The following MACROD2 variants were observed in gnomAD, a reference collection of about 807,000 sequenced individuals.
MACROD2 encodes the protein mono-ADP ribosylhydrolase 2.
In MACROD2, 36 loss-of-function variants were observed where a neutral mutation model predicts 70.4. That is an observed-to-expected ratio of 0.51 (90% CI 0.39 to 0.68). MACROD2 has a LOEUF of 0.68. MACROD2 is among the 30% of genes least tolerant of loss of function. The probability of loss-of-function intolerance (pLI) is 0.00; values close to 1 mark genes in which losing one functional copy is unlikely to be tolerated. For synonymous variants in MACROD2, 172 were observed against 178.8 expected (o/e 0.96, Z 0.30); for missense variants, 496 against 538.4 (o/e 0.92, Z 0.78).
intron 5 of MACROD2, among the ~76,000 whole-genome samples, chr20:15,045,201 G>T (rs1369089468): frequency 6.6e-6 from 1 of 152,154 alleles, no homozygotes; most frequent in Non-Finnish European, 1.5e-5. Flanking sequence ...AGTTCATCAT[G>T]GCCGTCACCC....
At chr20:14,906,876 G>A (rs2073965832) in intron 5 of MACROD2, among the ~76,000 whole-genome samples, 1 of 152,016 alleles carries the variant, frequency 6.6e-6, no homozygotes, top group Admixed American at 6.6e-5. Flanking sequence ...AAACATTTTT[G>A]GGGTGCTGAG....
intron 3 of MACROD2, among the ~76,000 whole-genome samples, chr20:14,305,171 G>C (rs891508336): frequency 2.0e-5 from 3 of 152,030 alleles, no homozygotes; most frequent in African/African-American, 7.2e-5. Flanking sequence ...ACTTTAATTG[G>C]TTTTAAGCTC....
At chr20:14,457,892 G>C (rs1045697589) in intron 3 of MACROD2, among the ~76,000 whole-genome samples, 1 of 152,052 alleles carries the variant, frequency 6.6e-6, no homozygotes, top group African/African-American at 2.4e-5. Flanking sequence ...TTGAGGTCAG[G>C]AGTTCAAGAC....
At chr20:15,051,608 T>C (rs1338078932) in intron 5 of MACROD2, among the ~76,000 whole-genome samples, 1 of 152,068 alleles carries the variant, frequency 6.6e-6, no homozygotes, top group Non-Finnish European at 1.5e-5. Flanking sequence ...AAGTATAATC[T>C]CCTCCACTTC....
chr20:15,453,531 G>A (rs2046673322), intron 7 of MACROD2, among the ~76,000 whole-genome samples: 1 of 152,084 alleles, frequency 6.6e-6, no homozygotes, highest in Non-Finnish European at 1.5e-5. Context: ...ACTATGTCCT[G>A]GAAACCTATA....
In MACROD2 at chr20:15,425,796, C is replaced by T. The variant is rs888236322; in HGVS notation, c.541-5609C>T. On this transcript the variant is annotated intron_variant, in intron 6 of 17. Transcript: ENST00000684519. The stretch of plus-strand genomic sequence containing the variant: ...TGCTGTGTAAAAGTGGATGGGATGA[C>T]GATGGATGAGCAAGAGAGAAAGAAA... Among the ~76,000 whole-genome samples, 7 of 152,014 alleles carry T rather than the reference C, an allele frequency of 4.6e-5. No individual in the cohort carries two copies. The South Asian group carries it at 6.2e-4, about 14-fold the overall frequency.
chr20:15,159,754 G>T (rs1473067694), intron 5 of MACROD2, among the ~76,000 whole-genome samples: 2 of 150,818 alleles, frequency 1.3e-5, no homozygotes, highest in Non-Finnish European at 3.0e-5. Context: ...ATACACATGG[G>T]CACACACACA....
chr20:14,101,928 T>A (rs2054306611), intron 3 of MACROD2, among the ~76,000 whole-genome samples: 1 of 151,584 alleles, frequency 6.6e-6, no homozygotes, highest in Non-Finnish European at 1.5e-5. Context: ...GACTGAGCAC[T>A]TAAGTTCATA....
At chr20:14,421,976 T>A (rs118125013) in intron 3 of MACROD2, among the ~76,000 whole-genome samples, 106 of 152,300 alleles carry the variant, frequency 7.0e-4, no homozygotes, top group Non-Finnish European at 1.2e-3. Context: ...GTACCTGTTA[T>A]TGAAGGCAAG....
intron 8 of MACROD2, among the ~76,000 whole-genome samples, chr20:15,651,425 G>A (rs971109547): frequency 6.6e-6 from 1 of 152,158 alleles, no homozygotes; most frequent in African/African-American, 2.4e-5. Flanking sequence ...CATATGCTCT[G>A]TGACCCAGAA....
intron 8 of MACROD2, among the ~76,000 whole-genome samples, chr20:15,796,455 C>T (rs1207910014): frequency 2.6e-5 from 4 of 152,252 alleles, no homozygotes; most frequent in East Asian, 3.9e-4. Context: ...AACCTTTGCA[C>T]GTAACAAATA....
intron 5 of MACROD2, among the ~76,000 whole-genome samples, chr20:15,101,411 A>T (rs2075871430): frequency 1.3e-5 from 2 of 151,740 alleles, no homozygotes; most frequent in African/African-American, 4.8e-5. Flanking sequence ...GAAAGTTAAC[A>T]TGCCATTGTA....
At chr20:14,888,263 A>G (rs1423090039) in intron 5 of MACROD2, 1 of 152,200 alleles carries the variant, frequency 6.6e-6, no homozygotes, top group Non-Finnish European at 1.5e-5. Context: ...CTTTAACACC[A>G]TGCACCAAGC....
intron 3 of MACROD2, among the ~76,000 whole-genome samples, chr20:14,321,748 A>G (rs1376463524): frequency 6.6e-6 from 1 of 152,154 alleles, no homozygotes; most frequent in African/African-American, 2.4e-5. Context: ...CAGAAACTGT[A>G]GTTACTAAAG....
At chr20:15,852,007 T>C (rs945605412) in intron 8 of MACROD2, among the ~76,000 whole-genome samples, 13 of 152,298 alleles carry the variant, frequency 8.5e-5, no homozygotes, top group African/African-American at 2.4e-4. Flanking sequence ...CCCAGGATCA[T>C]CTCTTTGGAT....
At chr20:14,698,359 C>G (rs535461869) in intron 5 of MACROD2, among the ~76,000 whole-genome samples, 1 of 152,228 alleles carries the variant, frequency 6.6e-6, no homozygotes, top group Non-Finnish European at 1.5e-5. Flanking sequence ...GTTTTGCTAT[C>G]GGGAAATAGG....
intron 4 of MACROD2, among the ~76,000 whole-genome samples, chr20:14,501,464 G>A (rs376721834): frequency 2.0e-5 from 3 of 150,470 alleles, no homozygotes; most frequent in South Asian, 2.1e-4. Context: ...CCTACAATAC[G>A]TTTCTATTTT....
chr20:15,217,697 A>G (rs1465850908), intron 5 of MACROD2, among the ~76,000 whole-genome samples: 1 of 152,140 alleles, frequency 6.6e-6, no homozygotes, highest in East Asian at 1.9e-4. Flanking sequence ...AAAGAACGAA[A>G]ATTGTTATTA....
rs186759255 is a variant in MACROD2 at position 15,943,055 on chromosome 20, T to C, written c.907+5511T>C. ...ACCTGGCAAAGGATTTATTAACTCT[T>C]GATCTAGTTTCAGACCTCTTAGAAG... On this transcript the variant is annotated intron_variant, in intron 12 of 17. Transcript: ENST00000684519. 5.0e-3 allele frequency among the ~76,000 whole-genome samples: 763 copies of C among 152,296 alleles called. 5 individuals are homozygous for C. The highest frequency in any genetic ancestry group is 0.014 in the Middle Eastern group (4 of 294).
Sources: gnomAD v4.1 joint callset for allele counts (sites outside exome capture counted in the v4.1 genomes callset) on GRCh38, gnomAD v4.1.1 for gene constraint, MANE v1.5 for transcripts, NCBI Gene and HGNC (gene_info 2026-07-23, HGNC 2026-07-21) for gene names.